Variants in ABLIM2 observed in about 807,000 individuals in gnomAD.
ABLIM2 encodes the protein actin binding LIM protein family member 2.
ABLIM2 carries 53 observed loss-of-function variants against 97.7 expected under a neutral mutation model. The observed-to-expected ratio is 0.54, with a 90% CI of 0.44 to 0.68. ABLIM2 has a LOEUF of 0.68. Ranked by LOEUF, ABLIM2 falls within the 30% of genes least tolerant of loss-of-function variation. The pLI, the probability that ABLIM2 is intolerant of heterozygous loss-of-function variation, is 0.00. For missense variants in ABLIM2, 835 were observed against 867.2 expected (o/e 0.96, Z 0.47); for synonymous variants, 361 against 345.8 (o/e 1.04, Z -0.49).
rs968455343 is a variant in ABLIM2 at position 8,010,388 on chromosome 4, G to A, written c.1424-1286C>T. ...GTCTCCGTCCCCAGCCCGCCACGAAGACCCAGGCCTCAGGAAGGACACGCC... is the reference window on the plus strand; with the variant it reads ...GTCTCCGTCCCCAGCCCGCCACGAAAACCCAGGCCTCAGGAAGGACACGCC... On this transcript the variant is annotated intron_variant, in intron 14 of 20. Transcript: ENST00000447017. 5 of 985,750 alleles carry A rather than the reference G, an allele frequency of 5.1e-6. No individual in the cohort carries two copies. In the African/African-American group the frequency reaches 8.7e-5, roughly 17 times the overall value. 61.1% of individuals were successfully genotyped at this position (985,750 alleles called of 1,614,324 possible).
intron 5 of ABLIM2, among the ~76,000 whole-genome samples, 152 bp from the exon 6 acceptor site, chr4:8,077,873 T>C (rs965898525): frequency 3.3e-5 from 5 of 152,228 alleles, no homozygotes; most frequent in Admixed American, 6.5e-5. Flanking sequence ...GGCAGTGTCA[T>C]TGGGCTCTCA....
chr4:8,069,955 G>A lies in ABLIM2; in HGVS notation c.675+7673C>T, dbSNP rs566119946. 6.6e-6 allele frequency among the ~76,000 whole-genome samples: 1 copy of A among 152,212 alleles called. No individual in the cohort carries two copies. The highest frequency in any genetic ancestry group is 2.1e-4 in the South Asian group (1 of 4,814). On this transcript the variant is annotated intron_variant, in intron 6 of 20. Transcript: ENST00000447017. This position sits in a 1 kb window ranked among gnomAD's most constrained non-coding sequence, Gnocchi z 4.2. ...GTTTATTTCCATGTGTGTTGTTTGT[G>A]TGCCTAAGCGTGCTGTCTGCACGTC...
rs1336982593 is a variant in ABLIM2, at chr4:8,083,875, A to C, written c.455-3073T>G. ...AACCTTCCACTTTCCTATTTTCCCC[A>C]AAAGGCTCCCTCTTCCACAAGATGT... On this transcript the variant is annotated intron_variant, in intron 4 of 20. Transcript: ENST00000447017. This position sits in a 1 kb window ranked among gnomAD's most constrained non-coding sequence, Gnocchi z 4.6. 1.3e-5 allele frequency among the ~76,000 whole-genome samples: 2 copies of C among 151,992 alleles called. No individual in the cohort carries two copies. Among genetic ancestry groups the C allele is most frequent in the Non-Finnish European group, 2.9e-5 (2 of 67,972 alleles).
At chr4:8,096,117 C>T (rs567933459) in intron 3 of ABLIM2, among the ~76,000 whole-genome samples, 90 of 152,152 alleles carry the variant, frequency 5.9e-4, no homozygotes, top group Non-Finnish European at 1.1e-3. Flanking sequence ...GCTATCCTTC[C>T]GGAAACTGCC....
chr4:7,978,248 T>C (rs972618239), intron 20 of ABLIM2, among the ~76,000 whole-genome samples: 1 of 152,122 alleles, frequency 6.6e-6, no homozygotes, highest in Non-Finnish European at 1.5e-5. Flanking sequence ...AGAGGGGCAT[T>C]CCCCATATGT....
In ABLIM2 at chr4:8,058,007, G is replaced by A. The variant is rs987279736; in HGVS notation, c.763+2960C>T. Among the ~76,000 whole-genome samples, 2 of 152,198 alleles carry A rather than the reference G, an allele frequency of 1.3e-5. No homozygotes were observed. Among genetic ancestry groups the A allele is most frequent in the African/African-American group, 4.8e-5 (2 of 41,468 alleles). On this transcript the variant is annotated intron_variant, in intron 7 of 20. Coordinates refer to ENST00000447017, the MANE Select transcript of ABLIM2 (RefSeq NM_001130083.2). The surrounding 1 kb of genome is among the most constrained non-coding windows in gnomAD (Gnocchi z 4.2). ...ACTGAGAAATCCAAGTTAGGAGAGG[G>A]GACAGGCCTGGGTTCGACATCCCAC...
At chr4:8,055,207 G>C (rs1291859167) in intron 7 of ABLIM2, among the ~76,000 whole-genome samples, 1 of 152,194 alleles carries the variant, frequency 6.6e-6, no homozygotes, top group African/African-American at 2.4e-5. Context: ...GATCCTTCTT[G>C]TGCATGGGGG....
intron 4 of ABLIM2, 80 bp downstream of exon 4, chr4:8,088,089 C>T (rs1385634500): frequency 1.0e-5 from 3 of 286,280 alleles, no homozygotes; most frequent in East Asian, 3.0e-4. Context: ...CAGCGCCCCC[C>T]AACTCAGCAT....
chr4:8,052,747 C>A (rs778301916), intron 8 of ABLIM2, among the ~76,000 whole-genome samples: 5 of 152,236 alleles, frequency 3.3e-5, no homozygotes, highest in Non-Finnish European at 7.3e-5. Context: ...GGGCCTGCAT[C>A]GGAATGCTGT....
chr4:8,036,424 C>G (rs544973831), intron 9 of ABLIM2, 129 bp from the exon 10 acceptor site: 73 of 1,170,528 alleles, frequency 6.2e-5, no homozygotes, highest in Non-Finnish European at 8.2e-5. Context: ...GGACAGTGCC[C>G]CCAAAGCCAG....
At chr4:8,037,986 C>A (rs1785656173) in intron 9 of ABLIM2, among the ~76,000 whole-genome samples, 1 of 152,350 alleles carries the variant, frequency 6.6e-6, no homozygotes, top group East Asian at 1.9e-4. Context: ...CTGCCTGTCC[C>A]CTTCTCCCTG....
chr4:8,049,869 A>G (rs1037672048), intron 8 of ABLIM2, among the ~76,000 whole-genome samples: 1 of 152,176 alleles, frequency 6.6e-6, no homozygotes, highest in East Asian at 1.9e-4. Flanking sequence ...ATGAGATTAC[A>G]GGCAAGTGCC....
Position 8,097,039 on chromosome 4 carries a change from G to GGGAA in ABLIM2, c.338+56_338+59dup, listed in dbSNP as rs1377350381. On this transcript the variant is annotated intron_variant, in intron 3 of 20. Transcript: ENST00000447017. ...CAGGAGGAAGAAGGGAAGGGAGGGA[G>GGGAA]GGAAGGAGAAAAGGCCCAGAGAGGC... The GGGAA allele has an allele frequency of 7.9e-6, 12 of 1,523,814 alleles. No homozygotes were observed. The African/African-American group carries it at 1.5e-4, about 19-fold the overall frequency. The allele number at this position is 1,523,814 out of a possible 1,614,324, so 94.4% of individuals were successfully genotyped here.
rs1288946219 is a variant in ABLIM2 at position 8,113,005 on chromosome 4, A to G, written c.11-6368T>C. On this transcript the variant is annotated intron_variant, in intron 1 of 20. Transcript: ENST00000447017. This position sits in a 1 kb window ranked among gnomAD's most constrained non-coding sequence, Gnocchi z 4.5. The stretch of plus-strand genomic sequence containing the variant: ...GAGGGACATGCCAGGCCAAAAGGGC[A>G]TAGGCAGGGGGGCAAACTCCTCTTT... Among the ~76,000 whole-genome samples the G allele has an allele frequency of 6.6e-6, 1 of 152,228 alleles. No homozygotes were observed. The highest frequency in any genetic ancestry group is 6.5e-5 in the Admixed American group (1 of 15,286).
Position 8,071,705 on chromosome 4 carries a change from G to T in ABLIM2, c.675+5923C>A. Reference sequence around the variant, plus strand: ...TCTGTCCCCAAAAACCCACCCACCCGCAGCCCCTCCTGGCCCCTGTGAGCC... The same window carrying T: ...TCTGTCCCCAAAAACCCACCCACCCTCAGCCCCTCCTGGCCCCTGTGAGCC... On this transcript the variant is annotated intron_variant, in intron 6 of 20. Coordinates refer to ENST00000447017, the MANE Select transcript of ABLIM2 (RefSeq NM_001130083.2). The surrounding 1 kb of genome is among the most constrained non-coding windows in gnomAD (Gnocchi z 6.2). 2 of 478,900 alleles carry T rather than the reference G, an allele frequency of 4.2e-6. No homozygotes were observed. Among genetic ancestry groups the T allele is most frequent in the Non-Finnish European group, 5.3e-6 (2 of 375,234 alleles). 29.7% of individuals were successfully genotyped at this position (478,900 alleles called of 1,614,324 possible).
intron 15 of ABLIM2, 46 bp from the exon 16 acceptor site, chr4:8,008,246 A>G (rs1195948870): frequency 1.9e-6 from 3 of 1,574,118 alleles, no homozygotes; most frequent in Non-Finnish European, 2.6e-6. Context: ...GTCATCTGCA[A>G]TGGTGGGAAC....
chr4:8,030,367 G>A (rs564116148), intron 10 of ABLIM2, among the ~76,000 whole-genome samples: 37 of 152,302 alleles, frequency 2.4e-4, no homozygotes, highest in East Asian at 9.7e-4. Flanking sequence ...ACCATGGCAC[G>A]GGGGAGAGCA....
intron 1 of ABLIM2, among the ~76,000 whole-genome samples, chr4:8,108,004 C>A (rs1248960569): frequency 6.6e-6 from 1 of 152,206 alleles, no homozygotes; most frequent in Non-Finnish European, 1.5e-5. Context: ...GGATTCTCCT[C>A]CAGAGTCCTC....
intron 7 of ABLIM2, among the ~76,000 whole-genome samples, chr4:8,057,722 G>A (rs867280071): frequency 1.8e-4 from 28 of 152,212 alleles, no homozygotes; most frequent in South Asian, 4.1e-4. Flanking sequence ...GAAAGTCCGC[G>A]GCAGGAACGG....
Sources: allele counts gnomAD v4.1 joint callset (sites outside exome capture counted in the v4.1 genomes callset), GRCh38; gene constraint gnomAD v4.1.1; non-coding constraint Gnocchi (gnomAD v3.1); transcripts MANE v1.5; gene names NCBI Gene and HGNC (gene_info 2026-07-23, HGNC 2026-07-21).